Variants in TCF7L2 observed in about 807,000 individuals in gnomAD.
TCF7L2 encodes transcription factor 7 like 2, also known as transcription factor 7-like 2.
A neutral mutation model predicts 77.9 loss-of-function variants in TCF7L2; 23 were observed. The observed-to-expected ratio is 0.30, with a 90% CI of 0.21 to 0.42. TCF7L2 has a LOEUF of 0.42. TCF7L2 is among the 10% of genes least tolerant of loss of function. The pLI is 1.00. For synonymous variants in TCF7L2, 413 were observed against 340.2 expected (o/e 1.21, Z -2.36); for missense variants, 654 against 793.1 (o/e 0.82, Z 2.11).
chr10:113,097,654 A>AAAAAAAC (rs1564890089), intron 5 of TCF7L2, among the ~76,000 whole-genome samples: 5 of 129,244 alleles, frequency 3.9e-5, no homozygotes, highest in African/African-American at 1.5e-4. Context: ...CGGAAAAAAA[A>AAAAAAAC]AAAAAAAAAA....
intron 5 of TCF7L2, among the ~76,000 whole-genome samples, chr10:113,090,105 TTCAATACAGTG>T (rs1413944310): frequency 6.6e-6 from 1 of 152,204 alleles, no homozygotes; most frequent in African/African-American, 2.4e-5. Flanking sequence ...CTTTAAATAA[TTCAATACAGTG>T]TCAATACCCC....
intron 5 of TCF7L2, among the ~76,000 whole-genome samples, chr10:113,041,713 C>A (rs2134301814): frequency 6.6e-6 from 1 of 152,134 alleles, no homozygotes; most frequent in East Asian, 1.9e-4. Context: ...AACAAATATA[C>A]AGAGATTTTT....
At chr10:113,047,723 G>T (rs1438234627) in intron 5 of TCF7L2, among the ~76,000 whole-genome samples, 1 of 151,970 alleles carries the variant, frequency 6.6e-6, no homozygotes, top group Non-Finnish European at 1.5e-5. Flanking sequence ...GCTGGGTCAG[G>T]ATTATGACCC....
chr10:113,066,464 A>C (rs1224017371), intron 5 of TCF7L2, among the ~76,000 whole-genome samples: 1 of 152,218 alleles, frequency 6.6e-6, no homozygotes, highest in African/African-American at 2.4e-5. Context: ...TATGCATCTG[A>C]ATTTCAGATG....
chr10:113,086,302 T>A (rs1210121781), intron 5 of TCF7L2, among the ~76,000 whole-genome samples: 4 of 152,148 alleles, frequency 2.6e-5, no homozygotes, highest in Non-Finnish European at 4.4e-5. Flanking sequence ...GCAAAATGAA[T>A]GTATTGATCC....
intron 5 of TCF7L2, among the ~76,000 whole-genome samples, chr10:113,090,579 T>C (rs1053106630): frequency 6.6e-6 from 1 of 152,146 alleles, no homozygotes; most frequent in African/African-American, 2.4e-5. Context: ...ATAAAGAAAA[T>C]GTAAATACCT....
At chr10:113,080,539 T>G (rs2059214897) in intron 5 of TCF7L2, among the ~76,000 whole-genome samples, 1 of 152,314 alleles carries the variant, frequency 6.6e-6, no homozygotes, top group East Asian at 1.9e-4. Flanking sequence ...CTGAACAAGG[T>G]GGTGTCAAGT....
chr10:112,957,154 T>C (rs2033843273), intron 3 of TCF7L2, among the ~76,000 whole-genome samples: 1 of 151,722 alleles, frequency 6.6e-6, no homozygotes, highest in Non-Finnish European at 1.5e-5. Context: ...CTTTTTCCTT[T>C]CTTTCTCTTT....
rs147601829 is a variant in TCF7L2 at position 113,165,856 on chromosome 10, C to A, written c.1693C>A (p.Pro565Thr). ...GGACCTGCCCCCAGCCGCTTTGCAG[C>A]CTGCCGCCCCCTCCTCATCAATTGC... Residue 565 changes from proline (P) to threonine (T), a missense_variant, in exon 14 of 14, where the codon CCT becomes ACT. Physicochemically the swap from Pro to Thr is conservative, Grantham distance 38. Coordinates refer to ENST00000627217, the MANE Select transcript of TCF7L2 (RefSeq NM_001146274.2). The A allele has an allele frequency of 3.3e-4, 525 of 1,607,542 alleles. 2 individuals carry two copies. The African/African-American group carries it at 6.3e-3, about 19-fold the overall frequency.
At chr10:113,138,980 T>C (rs3814575) in intron 5 of TCF7L2, among the ~76,000 whole-genome samples, 65,122 of 152,028 alleles carry the variant, frequency 0.43, 16,362 homozygotes, top group African/African-American at 0.69. Flanking sequence ...GCCCTTTCTC[T>C]TCCCATGTGA....
chr10:112,991,732 GTCTGT>G (rs1476511179), intron 4 of TCF7L2, among the ~76,000 whole-genome samples: 1 of 152,134 alleles, frequency 6.6e-6, no homozygotes, highest in African/African-American at 2.4e-5. Context: ...GCCCCTGTCG[GTCTGT>G]TCAGCTGTAG....
intron 5 of TCF7L2, among the ~76,000 whole-genome samples, chr10:113,140,325 TA>T (rs757947960): frequency 2.6e-5 from 4 of 152,100 alleles, no homozygotes; most frequent in Non-Finnish European, 5.9e-5. Flanking sequence ...GAAACATTTT[TA>T]AAATGCTTTT....
intron 5 of TCF7L2, among the ~76,000 whole-genome samples, chr10:113,074,021 G>A (rs771024345): frequency 3.3e-5 from 5 of 152,134 alleles, no homozygotes; most frequent in African/African-American, 4.8e-5. Flanking sequence ...CTCTGGTGTC[G>A]GCCGCTGGTG....
At chr10:112,998,178 G>A (rs918551567) in intron 4 of TCF7L2, among the ~76,000 whole-genome samples, 2 of 151,648 alleles carry the variant, frequency 1.3e-5, no homozygotes, top group African/African-American at 4.8e-5. Context: ...GCCTCAAGAG[G>A]TGCTCTCACC....
intron 5 of TCF7L2, among the ~76,000 whole-genome samples, chr10:113,091,706 G>A (rs371464773): frequency 1.4e-4 from 22 of 152,344 alleles, no homozygotes; most frequent in African/African-American, 4.8e-4. Flanking sequence ...GGGCAACAGA[G>A]TGAGACTCCA....
intron 5 of TCF7L2, among the ~76,000 whole-genome samples, chr10:113,122,858 A>G (rs771224845): frequency 2.0e-5 from 3 of 152,230 alleles, no homozygotes; most frequent in African/African-American, 4.8e-5. Flanking sequence ...TGCAACCGTT[A>G]TAGGGAAGAG....
chr10:113,007,142 G>A (rs987047164), intron 4 of TCF7L2, among the ~76,000 whole-genome samples: 3 of 152,244 alleles, frequency 2.0e-5, no homozygotes, highest in Non-Finnish European at 4.4e-5. Context: ...TTGGATGATT[G>A]GATGGGGGCA....
At chr10:113,123,491 G>T (rs2065107089) in intron 5 of TCF7L2, among the ~76,000 whole-genome samples, 1 of 152,214 alleles carries the variant, frequency 6.6e-6, no homozygotes, top group Non-Finnish European at 1.5e-5. Flanking sequence ...CAGGTGATGG[G>T]GGAAACGTCT....
chr10:113,151,112 A>C lies in TCF7L2; in HGVS notation c.990A>C (p.Ser330=). The change falls in exon 9 of 14, where the codon TCA becomes TCC. Residue 330 remains serine (S), a synonymous_variant. Coordinates refer to ENST00000627217, the MANE Select transcript of TCF7L2 (RefSeq NM_001146274.2). This position sits in a 1 kb window ranked among gnomAD's most constrained non-coding sequence, Gnocchi z 5.2. ...AATCGTCCCAGAGTGATGTCGGCTC[A>C]CTCCATAGTTCGTAAGTGTTGCTGT... 1 of 1,613,934 alleles carries C rather than the reference A, an allele frequency of 6.2e-7. No homozygotes were observed. The highest frequency in any genetic ancestry group is 1.3e-5 in the African/African-American group (1 of 74,948).
Sources: allele counts gnomAD v4.1 joint callset (sites outside exome capture counted in the v4.1 genomes callset), GRCh38; gene constraint gnomAD v4.1.1; non-coding constraint Gnocchi (gnomAD v3.1); transcripts MANE v1.5; gene names NCBI Gene and HGNC (gene_info 2026-07-23, HGNC 2026-07-21).